The following SLC38A9 variants were observed in gnomAD, a reference collection of about 807,000 sequenced individuals.
SLC38A9 encodes the protein solute carrier family 38 member 9.
A neutral mutation model predicts 62.3 loss-of-function variants in SLC38A9; 48 were observed. That is an observed-to-expected ratio of 0.77 (90% CI 0.61 to 0.98). SLC38A9 has a LOEUF of 0.98. Among genes scored for constraint, SLC38A9 ranks in the 50% least tolerant of loss-of-function variants. The pLI, the probability that SLC38A9 is intolerant of heterozygous loss-of-function variation, is 0.00. For missense variants in SLC38A9, 541 were observed against 679.8 expected, an observed-to-expected ratio of 0.80 and a Z score of 2.27; for synonymous variants, 204 against 227.7, an observed-to-expected ratio of 0.90 and a Z score of 0.94.
intron 9 of SLC38A9, 87 bp downstream of exon 9, chr5:55,656,628 C>G: frequency 2.3e-6 from 2 of 871,696 alleles, no homozygotes; most frequent in East Asian, 5.0e-5. Context: ...TAATCGTTTA[C>G]CTAAAATAAG....
chr5:55,700,957 A>T (rs552456547), intron 2 of SLC38A9, among the ~76,000 whole-genome samples: 1 of 152,132 alleles, frequency 6.6e-6, no homozygotes, highest in South Asian at 2.1e-4. Flanking sequence ...CCTACCCTTG[A>T]TCTCTTGGTA....
At chr5:55,660,207 T>C (rs1347138369) in intron 8 of SLC38A9, among the ~76,000 whole-genome samples, 1 of 151,808 alleles carries the variant, frequency 6.6e-6, no homozygotes, top group Non-Finnish European at 1.5e-5. Context: ...ACTCAGGAGT[T>C]CAAGACCAGC....
intron 3 of SLC38A9, among the ~76,000 whole-genome samples, chr5:55,674,241 T>C (rs1165736587): frequency 6.6e-6 from 1 of 152,142 alleles, no homozygotes; most frequent in Non-Finnish European, 1.5e-5. Context: ...AATATGTAAA[T>C]AGAGCACTTA....
chr5:55,655,287 A>T (rs1488732432), intron 9 of SLC38A9, among the ~76,000 whole-genome samples: 2 of 152,174 alleles, frequency 1.3e-5, no homozygotes, highest in African/African-American at 4.8e-5. Context: ...GGGTTCTCTA[A>T]ATCATCAATG....
At chr5:55,643,020 T>G (rs1745679747) in intron 12 of SLC38A9, among the ~76,000 whole-genome samples, 1 of 152,176 alleles carries the variant, frequency 6.6e-6, no homozygotes, top group Non-Finnish European at 1.5e-5. Flanking sequence ...TGTATAGACC[T>G]CTATTAGAAC....
chr5:55,656,090 G>C lies in SLC38A9; in HGVS notation c.757+625C>G, dbSNP rs959915412. On this transcript the variant is annotated intron_variant, in intron 9 of 15. Transcript: ENST00000396865. ...ATCTGATATAATTAATAGTGATATA[G>C]GTTCTTGAAAATACTGATTATTCAC... Among the ~76,000 whole-genome samples, 3 of 151,804 alleles carry C rather than the reference G, an allele frequency of 2.0e-5. No individual in the cohort carries two copies. In the East Asian group the frequency reaches 5.8e-4, roughly 29 times the overall value.
At chr5:55,664,995 T>C (rs975843762) in intron 7 of SLC38A9, 132 bp from the exon 8 acceptor site, 11 of 433,692 alleles carry the variant, frequency 2.5e-5, no homozygotes, top group African/African-American at 1.6e-4. Flanking sequence ...CATTAGAATA[T>C]ATTATAAGAT....
At chr5:55,686,541 C>T (rs972265541) in intron 3 of SLC38A9, among the ~76,000 whole-genome samples, 29 of 152,186 alleles carry the variant, frequency 1.9e-4, no homozygotes, top group African/African-American at 6.3e-4. Context: ...ATACATAGTT[C>T]GCAAAAATTT....
intron 3 of SLC38A9, among the ~76,000 whole-genome samples, chr5:55,689,113 T>C (rs1242956626): frequency 1.3e-5 from 2 of 152,210 alleles, no homozygotes; most frequent in Non-Finnish European, 2.9e-5. Flanking sequence ...GAAGTAGTGA[T>C]AATATACCAA....
chr5:55,635,229 C>T (rs774538701), intron 13 of SLC38A9: 40 of 319,168 alleles, frequency 1.3e-4, no homozygotes, highest in Non-Finnish European at 2.1e-4. Context: ...TACCAGTTCC[C>T]CACAAAAAGA....
At chr5:55,687,253 C>G (rs965354383) in intron 3 of SLC38A9, among the ~76,000 whole-genome samples, 1 of 150,238 alleles carries the variant, frequency 6.7e-6, no homozygotes, top group African/African-American at 2.4e-5. Flanking sequence ...CGGTGAAACC[C>G]CGTCTCTACT....
At chr5:55,632,273 TA>T (rs1743598741) in intron 14 of SLC38A9, among the ~76,000 whole-genome samples, 1 of 151,698 alleles carries the variant, frequency 6.6e-6, no homozygotes, top group Non-Finnish European at 1.5e-5. Flanking sequence ...CCACCACTAC[TA>T]AAAAATACAA....
chr5:55,688,040 G>A (rs1754184839), intron 3 of SLC38A9, among the ~76,000 whole-genome samples: 2 of 152,106 alleles, frequency 1.3e-5, no homozygotes, highest in Admixed American at 6.5e-5. Context: ...GAGTTCATTC[G>A]AGATTTGGCT....
intron 8 of SLC38A9, 145 bp from the exon 9 acceptor site, chr5:55,656,919 G>A: frequency 2.7e-6 from 1 of 374,552 alleles, no homozygotes; most frequent in Non-Finnish European, 4.6e-6. Flanking sequence ...AGAGTGCAGT[G>A]GCACGATCTT....
At position 55,645,776 on chromosome 5, in the gene SLC38A9, G is replaced by A; in HGVS notation, c.1167+13C>T. ...GGGAGATACAAAAGTCAATTCCAAAGATAATTACTCACATTGTTTTCTTGT... is the reference window on the plus strand; with the variant it reads ...GGGAGATACAAAAGTCAATTCCAAAAATAATTACTCACATTGTTTTCTTGT... On this transcript the variant is annotated intron_variant, in intron 12 of 15. Transcript: ENST00000396865. 2 of 1,550,654 alleles carry A rather than the reference G, an allele frequency of 1.3e-6. No individual in the cohort carries two copies. The highest frequency in any genetic ancestry group is 1.8e-6 in the Non-Finnish European group (2 of 1,129,826).
chr5:55,630,652 T>G (rs1437217789), intron 14 of SLC38A9, among the ~76,000 whole-genome samples: 1 of 152,124 alleles, frequency 6.6e-6, no homozygotes, highest in Non-Finnish European at 1.5e-5. Context: ...ATTTTTATTT[T>G]TTTAAATTTT....
chr5:55,697,240 AG>A (rs1422202274), intron 3 of SLC38A9: 3 of 154,310 alleles, frequency 1.9e-5, no homozygotes, highest in African/African-American at 7.2e-5. Context: ...TAGCGAGCCG[AG>A]ATCACGCCAC....
chr5:55,708,182 G>A (rs1464978656), intron 2 of SLC38A9, among the ~76,000 whole-genome samples: 1 of 152,114 alleles, frequency 6.6e-6, no homozygotes, highest in African/African-American at 2.4e-5. Flanking sequence ...GTTGGTGACT[G>A]AGCCAGGCAT....
At chr5:55,690,548 G>A (rs544960827) in intron 3 of SLC38A9, among the ~76,000 whole-genome samples, 57 of 152,274 alleles carry the variant, frequency 3.7e-4, no homozygotes, top group Non-Finnish European at 7.2e-4. Flanking sequence ...TAACACTGAT[G>A]TCAAGTTCCT....
Sources: gnomAD v4.1 joint callset for allele counts (sites outside exome capture counted in the v4.1 genomes callset) on GRCh38, gnomAD v4.1.1 for gene constraint, MANE v1.5 for transcripts, NCBI Gene and HGNC (gene_info 2026-07-23, HGNC 2026-07-21) for gene names.